The following SERPINF2 variants were observed in gnomAD, a reference collection of about 807,000 sequenced individuals.
The protein encoded by SERPINF2 is alpha-2-antiplasmin.
In SERPINF2, 15 loss-of-function variants were observed where a neutral mutation model predicts 45.0. The observed-to-expected ratio is 0.33, with a 90% CI of 0.22 to 0.51. The LOEUF (loss-of-function observed/expected upper bound fraction) is 0.51. SERPINF2 is among the 20% of genes least tolerant of loss of function. The probability of loss-of-function intolerance (pLI) is 0.97; values close to 1 mark genes in which losing one functional copy is unlikely to be tolerated. For missense variants in SERPINF2, 518 were observed against 637.4 expected, an observed-to-expected ratio of 0.81 and a Z score of 2.02; for synonymous variants, 283 against 277.9, an observed-to-expected ratio of 1.02 and a Z score of -0.18.
At chr17:1,751,559 C>T (rs1205924831) in intron 8 of SERPINF2, among the ~76,000 whole-genome samples, 2 of 136,744 alleles carry the variant, frequency 1.5e-5, no homozygotes, top group Non-Finnish European at 3.3e-5. Context: ...TTGAGACCAT[C>T]CTGGCTAACA....
chr17:1,750,831 G>C (rs1028939034), intron 8 of SERPINF2, among the ~76,000 whole-genome samples: 1 of 152,146 alleles, frequency 6.6e-6, no homozygotes, highest in African/African-American at 2.4e-5. Context: ...GCCCGGGAAC[G>C]CGTCCTGGCT....
chr17:1,745,074 A>C lies in SERPINF2; in HGVS notation c.63+16A>C, dbSNP rs956245824. ...CTGCTCCGTGGTGAGGCTGGGCTGA[A>C]GTCAAGGTGGGGTGGGGTGGAGGGG... On this transcript the variant is annotated intron_variant, in intron 2 of 9. Transcript: ENST00000453066. The surrounding 1 kb of genome is among the most constrained non-coding windows in gnomAD (Gnocchi z 6.2). The C allele has an allele frequency of 2.5e-6, 4 of 1,604,744 alleles. No homozygotes were observed. The highest frequency in any genetic ancestry group is 3.4e-6 in the Non-Finnish European group (4 of 1,175,270).
rs770683914 is a variant in SERPINF2, at chr17:1,745,314, T to G, written c.103-19T>G. ...CCTGTGGGAAGGGTCGGTCTCCATC[T>G]GCTTGCTCCTTTCCGCAGCTAACTA... On this transcript the variant is annotated intron_variant, in intron 3 of 9. Transcript: ENST00000453066. This position sits in a 1 kb window ranked among gnomAD's most constrained non-coding sequence, Gnocchi z 6.2. 4 of 1,613,200 alleles carry G rather than the reference T, an allele frequency of 2.5e-6. No individual in the cohort carries two copies. In the Admixed American group the frequency reaches 6.7e-5, roughly 27 times the overall value.
At chr17:1,742,943 G>C (rs1905424757) in intron 1 of SERPINF2, 35 bp downstream of exon 1, 2 of 985,360 alleles carry the variant, frequency 2.0e-6, no homozygotes, top group Non-Finnish European at 2.4e-6. Context: ...CTGCTCCTTG[G>C]GTAGGAGAGG....
Position 1,754,391 on chromosome 17 carries a change from AAGGAACAGC to A in SERPINF2, c.1338_1346del (p.Glu446_Gln448del), listed in dbSNP as rs1462933675. ...CAACCCCAGTGCACCGCGGGAGCTC[AAGGAACAGC>A]AGGATTCCCCGGGCAACAAGGACTT... On this transcript the variant is annotated inframe_deletion, in exon 10 of 10. Transcript: ENST00000453066. The A allele has an allele frequency of 1.2e-6, 2 of 1,613,758 alleles. No individual in the cohort carries two copies. Among genetic ancestry groups the A allele is most frequent in the South Asian group, 2.2e-5 (2 of 91,078 alleles).
intron 5 of SERPINF2, 35 bp from the exon 6 acceptor site, chr17:1,746,984 C>A (rs571040426): frequency 1.3e-6 from 2 of 1,596,510 alleles, no homozygotes; most frequent in Middle Eastern, 2.3e-4. Flanking sequence ...AGAAAGGACC[C>A]GCAGCCGGGC....
rs762638593 is a variant in SERPINF2 at position 1,748,746 on chromosome 17, C to T, written c.858+6C>T. The T allele has an allele frequency of 1.0e-5, 14 of 1,362,592 alleles. No homozygotes were observed. In the African/African-American group the frequency reaches 1.9e-4, roughly 18 times the overall value. 84.4% of individuals were successfully genotyped at this position (1,362,592 alleles called of 1,614,324 possible). ...TGGAGCAGCCTGAGATCCAGGTCACCCTTGGTTGTCCAGCAGGCTGGGCCT... is the reference window on the plus strand; with the variant it reads ...TGGAGCAGCCTGAGATCCAGGTCACTCTTGGTTGTCCAGCAGGCTGGGCCT... On this transcript the variant is annotated splice_donor_region_variant and intron_variant, in intron 8 of 9. Transcript: ENST00000453066.
At chr17:1,749,057 A>G (rs528919747) in intron 8 of SERPINF2, among the ~76,000 whole-genome samples, 2 of 152,336 alleles carry the variant, frequency 1.3e-5, no homozygotes, top group Admixed American at 1.3e-4. Flanking sequence ...GAAGGAGGAT[A>G]CACAGTGCAA....
chr17:1,752,646 G>T lies in SERPINF2; in HGVS notation c.919G>T (p.Glu307Ter). 1 of 1,614,182 alleles carries T rather than the reference G, an allele frequency of 6.2e-7. No individual in the cohort carries two copies. ...SFVVLVPTHF[E>*]WNVSQVLANL... ...TGTGGTCCTTGTACCCACCCACTTT[G>T]AATGGAACGTGTCCCAGGTACTGGC... The change falls in exon 9 of 10, where the codon GAA (glutamate) becomes TAA (stop). Residue 307 changes from glutamate to a stop codon, truncating the protein, a stop_gained. Transcript: ENST00000453066. LOFTEE classifies it high-confidence loss of function.
Position 1,755,110 on chromosome 17 carries a change from A to G in SERPINF2, c.*576A>G, listed in dbSNP as rs567142568. The G allele has an allele frequency of 3.2e-5, 5 of 154,002 alleles. No individual in the cohort carries two copies. Among genetic ancestry groups the G allele is most frequent in the African/African-American group, 1.2e-4 (5 of 41,554 alleles). 9.5% of individuals were successfully genotyped at this position (154,002 alleles called of 1,614,324 possible). ...ACTTCCCACGGCTCCTCGAGATCCCAACACTGCCAGCATTTCCCTTCCTTC... is the reference window on the plus strand; with the variant it reads ...ACTTCCCACGGCTCCTCGAGATCCCGACACTGCCAGCATTTCCCTTCCTTC... On this transcript the variant is annotated 3_prime_UTR_variant, in exon 10 of 10. Transcript: ENST00000453066. The surrounding 1 kb of genome is among the most constrained non-coding windows in gnomAD (Gnocchi z 4.2).
Position 1,742,905 on chromosome 17 carries a change from A to G in SERPINF2, c.-8A>G, listed in dbSNP as rs1440684437. 3.1e-5 allele frequency: 31 copies of G among 985,174 alleles called. No individual in the cohort carries two copies. The highest frequency in any genetic ancestry group is 3.5e-5 in the Non-Finnish European group (29 of 830,048). 61.0% of individuals were successfully genotyped at this position (985,174 alleles called of 1,614,324 possible). A position where few individuals can be genotyped will look rare whatever the true frequency, so the allele number is the denominator to read the frequency against. On this transcript the variant is annotated 5_prime_UTR_variant, in exon 1 of 10. Coordinates refer to ENST00000453066, the MANE Select transcript of SERPINF2 (RefSeq NM_000934.4). The stretch of plus-strand genomic sequence containing the variant: ...TTGTGTGTGGCAGCAAGGAGCCCGC[A>G]GAGGTATGAGGGGAGGGGCTGCTCG...
chr17:1,750,790 C>T (rs1200816433), intron 8 of SERPINF2, among the ~76,000 whole-genome samples: 3 of 152,166 alleles, frequency 2.0e-5, no homozygotes, highest in Non-Finnish European at 4.4e-5. Flanking sequence ...ACTTGGGCAG[C>T]CCTCCTGGGA....
rs779579819 is a variant in SERPINF2 at position 1,748,667 on chromosome 17, C to T, written c.785C>T (p.Thr262Met). The T allele has an allele frequency of 7.4e-6, 12 of 1,612,078 alleles. No homozygotes were observed. The highest frequency in any genetic ancestry group is 6.6e-5 in the South Asian group (6 of 91,054). The change falls in exon 8 of 10, where the codon ACG becomes ATG. Residue 262 changes from threonine (T) to methionine (M), a missense_variant. Physicochemically the swap from Thr to Met is moderately conservative, Grantham distance 81. This residue lies in a region of SERPINF2 where 435 missense variants were observed against 577.3 expected (regional missense o/e 0.75). Coordinates refer to ENST00000453066, the MANE Select transcript of SERPINF2 (RefSeq NM_000934.4). ...TCCTTCCACCTGGACGAGCAGTTCA[C>T]GGTGCCCGTGGAAATGATGCAGGCC... ...RDSFHLDEQF[T>M]VPVEMMQART... is the part of the protein sequence containing the mutation.
Position 1,754,115 on chromosome 17 carries a change from T to C in SERPINF2, c.1064-7T>C, listed in dbSNP as rs368048456. 181 of 1,603,544 alleles carry C rather than the reference T, an allele frequency of 1.1e-4. 1 individual carries two copies. In the Middle Eastern group the frequency reaches 1.8e-3, roughly 16 times the overall value. On this transcript the variant is annotated splice_region_variant and splice_polypyrimidine_tract_variant and intron_variant, in intron 9 of 9. Coordinates refer to ENST00000453066, the MANE Select transcript of SERPINF2 (RefSeq NM_000934.4). ...AGCTCTGACCAGCCATCTCTGGCCC[T>C]GGGCAGGCCTGCAGGAGTTGTTCCA...
intron 5 of SERPINF2, among the ~76,000 whole-genome samples, chr17:1,746,127 G>C (rs979043641): frequency 3.9e-5 from 6 of 152,264 alleles, no homozygotes; most frequent in Non-Finnish European, 7.4e-5. Flanking sequence ...AGACCAGCCT[G>C]GCCAACATGG....
Position 1,748,751 on chromosome 17 carries a change from G to C in SERPINF2, c.858+11G>C, listed in dbSNP as rs1906103777. 3.0e-6 allele frequency: 4 copies of C among 1,340,678 alleles called. No individual in the cohort carries two copies. Among genetic ancestry groups the C allele is most frequent in the East Asian group, 2.3e-5 (1 of 43,610 alleles). The allele number at this position is 1,340,678 out of a possible 1,614,324, so 83.0% of individuals were successfully genotyped here. A position where few individuals can be genotyped will look rare whatever the true frequency, so the allele number is the denominator to read the frequency against. ...CAGCCTGAGATCCAGGTCACCCTTG[G>C]TTGTCCAGCAGGCTGGGCCTGAGGC... is the stretch of plus-strand genomic sequence containing the variant. On this transcript the variant is annotated intron_variant, in intron 8 of 9. Transcript: ENST00000453066.
chr17:1,743,855 A>T (rs1418627054), intron 1 of SERPINF2, among the ~76,000 whole-genome samples: 1 of 151,836 alleles, frequency 6.6e-6, no homozygotes, highest in South Asian at 2.1e-4. Flanking sequence ...GACCCCAGCC[A>T]TCGGGGGAGT....
intron 5 of SERPINF2, 34 bp from the exon 6 acceptor site, chr17:1,746,985 G>C: frequency 6.3e-7 from 1 of 1,596,792 alleles, no homozygotes; most frequent in Non-Finnish European, 8.5e-7. Context: ...GAAAGGACCC[G>C]CAGCCGGGCC....
In SERPINF2 at chr17:1,754,603, C is replaced by T. The variant is rs1906696379; in HGVS notation, c.*69C>T. 2 of 1,566,398 alleles carry T rather than the reference C, an allele frequency of 1.3e-6. No individual in the cohort carries two copies. The highest frequency in any genetic ancestry group is 1.7e-6 in the Non-Finnish European group (2 of 1,164,494). ...TCTCCACTCATGTGACTCTTTCCAA[C>T]CGGCTTTGTGGCACTGGGGCAGGGG... On this transcript the variant is annotated 3_prime_UTR_variant, in exon 10 of 10. Coordinates refer to ENST00000453066, the MANE Select transcript of SERPINF2 (RefSeq NM_000934.4).
Sources: gnomAD v4.1 joint callset for allele counts (sites outside exome capture counted in the v4.1 genomes callset) on GRCh38, gnomAD v4.1.1 for gene constraint, gnomAD v4.1.1 regional missense constraint, Gnocchi (gnomAD v3.1) non-coding constraint, MANE v1.5 for transcripts, NCBI Gene and HGNC (gene_info 2026-07-23, HGNC 2026-07-21) for gene names.